SH2B3: variants seen among roughly 807,000 people sequenced by gnomAD.
SH2B3 encodes SH2B adaptor protein 3.
SH2B3 carries 43 observed loss-of-function variants against 51.9 expected under a neutral mutation model. That is an observed-to-expected ratio of 0.83 (90% confidence interval 0.65 to 1.07). SH2B3 has a LOEUF of 1.07. Among genes scored for constraint, SH2B3 ranks in the 50% least tolerant of loss-of-function variants. SH2B3 has a pLI of 0.00. For synonymous variants in SH2B3, 396 were observed against 376.0 expected (o/e 1.05, Z -0.62); for missense variants, 952 against 834.3 (o/e 1.14, Z -1.74).
At position 111,418,546 on chromosome 12, in the gene SH2B3, C is replaced by T. The variant is rs762113777; in HGVS notation, c.401C>T (p.Ser134Phe). Reference protein sequence around the residue: ...LAPPRPPGPCSFQHFRRSLRH... With the variant: ...LAPPRPPGPCFFQHFRRSLRH... ...CCGCCGCGGCCGCCCGGGCCCTGCT[C>T]CTTCCAGCACTTTCGCCGCAGCCTC... The change falls in exon 2 of 8, where the codon TCC (serine) becomes TTC (phenylalanine). Residue 134 changes from serine (S) to phenylalanine (F), a missense_variant. Coordinates refer to ENST00000341259, the MANE Select transcript of SH2B3 (RefSeq NM_005475.3). The surrounding 1 kb of genome is among the most constrained non-coding windows in gnomAD (Gnocchi z 6.7). 22 of 1,458,418 alleles carry T rather than the reference C, an allele frequency of 1.5e-5. No homozygotes were observed. In the Admixed American group the frequency reaches 2.3e-4, roughly 15 times the overall value. The allele number at this position is 1,458,418 out of a possible 1,614,324, so 90.3% of individuals were successfully genotyped here. A position where few individuals can be genotyped will look rare whatever the true frequency, so the allele number is the denominator to read the frequency against.
rs530879942 is a variant in SH2B3 at position 111,449,595 on chromosome 12, G to A, written c.*1293G>A. ...CAAGTGATACAATTCATAGGGGGCT[G>A]GCTCCTCCCAGAACCTGTCTGGAGG... On this transcript the variant is annotated 3_prime_UTR_variant, in exon 8 of 8. Coordinates refer to ENST00000341259, the MANE Select transcript of SH2B3 (RefSeq NM_005475.3). The A allele has an allele frequency of 6.6e-6, 1 of 152,420 alleles. No individual in the cohort carries two copies. Among genetic ancestry groups the A allele is most frequent in the African/African-American group, 2.4e-5 (1 of 41,556 alleles). 9.4% of individuals were successfully genotyped at this position (152,420 alleles called of 1,614,324 possible).
chr12:111,439,975 G>A (rs1010148680), intron 2 of SH2B3, among the ~76,000 whole-genome samples: 10 of 152,130 alleles, frequency 6.6e-5, no homozygotes, highest in African/African-American at 2.2e-4. Context: ...GGGATGGGCC[G>A]TGCCTCCCCT....
chr12:111,418,940 G>GA lies in SH2B3; in HGVS notation c.732+64dup, dbSNP rs1182660091. The GA allele has an allele frequency of 1.6e-5, 21 of 1,332,172 alleles. No homozygotes were observed. In the Admixed American group the frequency reaches 8.2e-4, roughly 52 times the overall value. 82.5% of individuals were successfully genotyped at this position (1,332,172 alleles called of 1,614,324 possible). ...GCGCCCTTCGCCTTCACCCTGGGGA[G>GA]AGCGCGGGCTGGGGAGGTGTGATGG... On this transcript the variant is annotated intron_variant, in intron 2 of 7. Coordinates refer to ENST00000341259, the MANE Select transcript of SH2B3 (RefSeq NM_005475.3). This position sits in a 1 kb window ranked among gnomAD's most constrained non-coding sequence, Gnocchi z 6.7.
chr12:111,431,231 G>A (rs554739314), intron 2 of SH2B3, among the ~76,000 whole-genome samples: 3 of 152,246 alleles, frequency 2.0e-5, no homozygotes, highest in Non-Finnish European at 4.4e-5. Flanking sequence ...CCTCGCTGTG[G>A]CTGCTGCCTG....
intron 1 of SH2B3, among the ~76,000 whole-genome samples, chr12:111,412,390 G>A (rs1371462503): frequency 1.3e-5 from 2 of 152,166 alleles, no homozygotes; most frequent in Non-Finnish European, 2.9e-5. Context: ...CCTCTCCCCT[G>A]AGAAGATCTT....
chr12:111,447,868 C>T (rs752221131), intron 7 of SH2B3, 41 bp downstream of exon 7: 22 of 1,600,194 alleles, frequency 1.4e-5, no homozygotes, highest in Non-Finnish European at 1.9e-5. Context: ...GTGGCTGACA[C>T]TGGGTAGAGG....
chr12:111,424,955 A>C (rs749217450), intron 2 of SH2B3, among the ~76,000 whole-genome samples: 6 of 152,106 alleles, frequency 3.9e-5, no homozygotes, highest in African/African-American at 7.2e-5. Flanking sequence ...CAGGAGAGGG[A>C]GCAGATGTAA....
intron 2 of SH2B3, among the ~76,000 whole-genome samples, chr12:111,424,294 C>G (rs114336707): frequency 0.023 from 3,430 of 151,982 alleles, 59 homozygotes; most frequent in South Asian, 0.07. Flanking sequence ...AGTTCCTACC[C>G]CATAGGGCTG....
At chr12:111,420,137 C>T (rs1292413506) in intron 2 of SH2B3, among the ~76,000 whole-genome samples, 7 of 152,108 alleles carry the variant, frequency 4.6e-5, no homozygotes, top group Admixed American at 4.6e-4. Context: ...TTTCTCTGCA[C>T]CTCCTGTGCC....
intron 2 of SH2B3, chr12:111,444,889 T>C (rs1873779896): frequency 1.0e-6 from 1 of 985,560 alleles, no homozygotes; most frequent in African/African-American, 1.7e-5. Context: ...CTCTGATACT[T>C]GGCAGGCTTG....
At position 111,429,425 on chromosome 12, in the gene SH2B3, G is replaced by C. The variant is rs1872283763; in HGVS notation, c.732+10548G>C. On this transcript the variant is annotated intron_variant, in intron 2 of 7. Coordinates refer to ENST00000341259, the MANE Select transcript of SH2B3 (RefSeq NM_005475.3). This position sits in a 1 kb window ranked among gnomAD's most constrained non-coding sequence, Gnocchi z 4.4. ...TGGCTCACTGCAACCACCGCCTCCA[G>C]GGTTCAAGCAATTCTCCTGCCTCAG... Among the ~76,000 whole-genome samples, 2 of 152,154 alleles carry C rather than the reference G, an allele frequency of 1.3e-5. No homozygotes were observed. Among genetic ancestry groups the C allele is most frequent in the Non-Finnish European group, 2.9e-5 (2 of 68,010 alleles).
At chr12:111,420,887 C>G (rs1278755844) in intron 2 of SH2B3, among the ~76,000 whole-genome samples, 1 of 152,176 alleles carries the variant, frequency 6.6e-6, no homozygotes, top group Non-Finnish European at 1.5e-5. Context: ...TCCAAGAATC[C>G]TTTGAAGTAA....
chr12:111,426,321 G>T (rs755791129), intron 2 of SH2B3, among the ~76,000 whole-genome samples: 11 of 152,140 alleles, frequency 7.2e-5, no homozygotes, highest in Non-Finnish European at 1.5e-4. Flanking sequence ...TGGCTTTCAG[G>T]GAGAGGGGTT....
chr12:111,448,207 G>A lies in SH2B3; in HGVS notation c.1633G>A (p.Glu545Lys), dbSNP rs764533642. Residue 545 changes from glutamate to lysine, a missense_variant, in exon 8 of 8, where the codon GAG becomes AAG. Coordinates refer to ENST00000341259, the MANE Select transcript of SH2B3 (RefSeq NM_005475.3). ...CAACAGCCTGCAGCACCTGGAGCATGAGCCTGTGAATCGAGCCCGGGACTC... is the reference window on the plus strand; with the variant it reads ...CAACAGCCTGCAGCACCTGGAGCATAAGCCTGTGAATCGAGCCCGGGACTC... ...LANSLQHLEH[E>K]PVNRARDSDY... 12 of 1,614,024 alleles carry A rather than the reference G, an allele frequency of 7.4e-6. No homozygotes were observed. Among genetic ancestry groups the A allele is most frequent in the Admixed American group, 1.7e-5 (1 of 59,994 alleles).
Position 111,434,795 on chromosome 12 carries a change from T to A in SH2B3, c.733-11958T>A, listed in dbSNP as rs1872723208. 11 of 1,487,254 alleles carry A rather than the reference T, an allele frequency of 7.4e-6. No individual in the cohort carries two copies. The South Asian group carries it at 1.4e-4, about 19-fold the overall frequency. The allele number at this position is 1,487,254 out of a possible 1,614,324, so 92.1% of individuals were successfully genotyped here. ...GGTGTGATTTCCTGTTGTTTTGTGA[T>A]GTCAGTGAGAGGCTGTGTGTCAAGG... On this transcript the variant is annotated intron_variant, in intron 2 of 7. Coordinates refer to ENST00000341259, the MANE Select transcript of SH2B3 (RefSeq NM_005475.3).
rs1874297278 is a variant in SH2B3 at position 111,448,583 on chromosome 12, T to A, written c.*281T>A. On this transcript the variant is annotated 3_prime_UTR_variant, in exon 8 of 8. Coordinates refer to ENST00000341259, the MANE Select transcript of SH2B3 (RefSeq NM_005475.3). ...CGGGGTCCCTATGCCCAGTCCCCGTTACTCTTAGAGAAAGGAGTTGGGGTG... is the reference window on the plus strand; with the variant it reads ...CGGGGTCCCTATGCCCAGTCCCCGTAACTCTTAGAGAAAGGAGTTGGGGTG... The A allele has an allele frequency of 2.5e-6, 1 of 407,382 alleles. No homozygotes were observed. The highest frequency in any genetic ancestry group is 4.4e-6 in the Non-Finnish European group (1 of 225,518). 25.2% of individuals were successfully genotyped at this position (407,382 alleles called of 1,614,324 possible).
upstream of SH2B3, among the ~76,000 whole-genome samples, chr12:111,405,709 C>T (rs899785538): frequency 6.6e-6 from 1 of 152,204 alleles, no homozygotes; most frequent in Non-Finnish European, 1.5e-5. This position sits in a 1 kb window ranked among gnomAD's most constrained non-coding sequence, Gnocchi z 5.4. Context: ...TTTCCGGACC[C>T]GCGCCAGGAG....
intron 7 of SH2B3, 59 bp downstream of exon 7, chr12:111,447,886 C>G (rs775503145): frequency 4.4e-6 from 7 of 1,578,134 alleles, no homozygotes; most frequent in Admixed American, 3.4e-5. Context: ...AGGGTAGAGG[C>G]TTGCTGCAGA....
chr12:111,410,402 C>T lies in SH2B3; in HGVS notation c.-28+4125C>T, dbSNP rs1358560343. Among the ~76,000 whole-genome samples, 1 of 152,078 alleles carries T rather than the reference C, an allele frequency of 6.6e-6. No individual in the cohort carries two copies. On this transcript the variant is annotated intron_variant, in intron 1 of 7. Coordinates refer to ENST00000341259, the MANE Select transcript of SH2B3 (RefSeq NM_005475.3). This position sits in a 1 kb window ranked among gnomAD's most constrained non-coding sequence, Gnocchi z 4.9. Reference sequence around the variant, plus strand: ...AGGAGGTTCACCCACAGGCTGCCCTCCTAGGGTCTCCCCTGTCTGCCCTCA... The same window carrying T: ...AGGAGGTTCACCCACAGGCTGCCCTTCTAGGGTCTCCCCTGTCTGCCCTCA...
Sources: allele counts gnomAD v4.1 joint callset (sites outside exome capture counted in the v4.1 genomes callset), GRCh38; gene constraint gnomAD v4.1.1; non-coding constraint Gnocchi (gnomAD v3.1); transcripts MANE v1.5; gene names NCBI Gene and HGNC (gene_info 2026-07-23, HGNC 2026-07-21).